GLYATL2: variants seen among roughly 807,000 people sequenced by gnomAD.
The protein encoded by GLYATL2 is glycine N-acyltransferase-like protein 2.
GLYATL2 carries 25 observed loss-of-function variants against 21.4 expected under a neutral mutation model. The ratio of observed to expected loss-of-function variants is 1.17; its 90% CI spans 0.85 to 1.63. The LOEUF (loss-of-function observed/expected upper bound fraction) is 1.63, where lower values mean the gene tolerates loss of function less well. GLYATL2 is among the 40% of genes most tolerant of loss of function. The pLI is 0.00. For missense variants in GLYATL2, 361 were observed against 343.3 expected (o/e 1.05, Z -0.41); for synonymous variants, 114 against 118.2 (o/e 0.96, Z 0.23).
At chr11:58,840,330 T>A (rs1853523432) in intron 1 of GLYATL2, among the ~76,000 whole-genome samples, 1 of 152,024 alleles carries the variant, frequency 6.6e-6, no homozygotes, top group Admixed American at 6.6e-5. Context: ...ATAGATATGT[T>A]TAAGGATGTA....
chr11:58,852,251 G>A (rs192051591), intron 1 of GLYATL2, among the ~76,000 whole-genome samples: 28 of 152,150 alleles, frequency 1.8e-4, no homozygotes, highest in East Asian at 7.7e-4. Flanking sequence ...TCTGCAGTAG[G>A]GGCTATTAGA....
chr11:58,867,158 C>T lies in GLYATL2; in HGVS notation n.61-28790G>A, dbSNP rs762468868. On this transcript the variant is annotated intron_variant and non_coding_transcript_variant, in intron 1 of 4. Coordinates refer to the GLYATL2 transcript ENST00000533636. Reference sequence around the variant, plus strand: ...GGATTCAAAGATGGCCAGCTCATTGCCACTCTTTGTAGTATGAAGTATGCC... The same window carrying T: ...GGATTCAAAGATGGCCAGCTCATTGTCACTCTTTGTAGTATGAAGTATGCC... Among the ~76,000 whole-genome samples the T allele has an allele frequency of 1.3e-5, 2 of 148,842 alleles. 1 individual carries two copies.
At chr11:58,843,619 A>T (rs926245451) in intron 1 of GLYATL2, among the ~76,000 whole-genome samples, 1 of 152,218 alleles carries the variant, frequency 6.6e-6, no homozygotes, top group Non-Finnish European at 1.5e-5. Flanking sequence ...GAGAGAGAAG[A>T]GAAAAAGTAA....
intron 1 of GLYATL2, among the ~76,000 whole-genome samples, chr11:58,861,636 G>A (rs150228535): frequency 8.7e-4 from 132 of 150,874 alleles, no homozygotes; most frequent in African/African-American, 2.6e-3. Context: ...TTATAGTTCC[G>A]TGAAGTGTAA....
intron 1 of GLYATL2, among the ~76,000 whole-genome samples, chr11:58,894,313 C>T (rs1854597422): frequency 6.6e-6 from 1 of 152,030 alleles, no homozygotes; most frequent in African/African-American, 2.4e-5. Flanking sequence ...GGACACGTGC[C>T]AAGCACTATC....
chr11:58,835,513 A>G (rs978741773), intron 5 of GLYATL2, among the ~76,000 whole-genome samples: 1 of 152,162 alleles, frequency 6.6e-6, no homozygotes, highest in Non-Finnish European at 1.5e-5. Context: ...ATCATCTGTA[A>G]ATATGGGGAT....
At chr11:58,835,798 AC>A (rs1176934630) in intron 5 of GLYATL2, among the ~76,000 whole-genome samples, 1 of 152,124 alleles carries the variant, frequency 6.6e-6, no homozygotes, top group African/African-American at 2.4e-5. Flanking sequence ...TAGAGGAATC[AC>A]CTTAGGGCAG....
intron 1 of GLYATL2, among the ~76,000 whole-genome samples, chr11:58,899,596 A>G (rs1288894828): frequency 6.6e-6 from 1 of 152,058 alleles, no homozygotes; most frequent in African/African-American, 2.4e-5. Flanking sequence ...GGCCTCCACA[A>G]AAGACTGGCA....
chr11:58,907,676 C>T (rs551288593), upstream of GLYATL2: 18 of 194,614 alleles, frequency 9.2e-5, no homozygotes, highest in Non-Finnish European at 1.5e-4. Context: ...TTAAATACTT[C>T]CTGATTTTTG....
At chr11:58,892,438 T>G (rs1854560697) in intron 1 of GLYATL2, 1 of 155,078 alleles carries the variant, frequency 6.4e-6, no homozygotes, top group Non-Finnish European at 1.4e-5. Context: ...TGAATTAGCA[T>G]TCAACTAATA....
At chr11:58,881,356 T>A (rs1161784719) in intron 1 of GLYATL2, among the ~76,000 whole-genome samples, 10 of 152,228 alleles carry the variant, frequency 6.6e-5, no homozygotes. Context: ...GATGATAACC[T>A]TCTCCAAGTT....
At chr11:58,866,646 T>C (rs1406897185) in intron 1 of GLYATL2, among the ~76,000 whole-genome samples, 1 of 149,188 alleles carries the variant, frequency 6.7e-6, no homozygotes, top group Non-Finnish European at 1.5e-5. Context: ...GAAGGACTAC[T>C]GGTGAAAAAA....
intron 1 of GLYATL2, among the ~76,000 whole-genome samples, chr11:58,863,731 G>A (rs1262384498): frequency 6.6e-6 from 1 of 152,106 alleles, no homozygotes; most frequent in Non-Finnish European, 1.5e-5. Context: ...AGGTCTTCAG[G>A]GCTGGCATGG....
At chr11:58,892,787 A>G (rs1010533954) in intron 1 of GLYATL2, 15 of 332,458 alleles carry the variant, frequency 4.5e-5, no homozygotes, top group Non-Finnish European at 7.2e-5. Context: ...CTGCAATAAA[A>G]GCAAGCTTGG....
At chr11:58,880,397 A>AAG (rs1854312136) in intron 1 of GLYATL2, among the ~76,000 whole-genome samples, 2 of 152,274 alleles carry the variant, frequency 1.3e-5, no homozygotes, top group South Asian at 4.1e-4. Flanking sequence ...TATTTGGACA[A>AAG]AGATGTGGCA....
intron 1 of GLYATL2, chr11:58,840,680 A>G (rs1296768292): frequency 6.6e-6 from 1 of 151,916 alleles, no homozygotes; most frequent in East Asian, 1.9e-4. Flanking sequence ...TCTTCTAAAA[A>G]TACAAAAAAC....
At chr11:58,846,491 A>C (rs11827691), upstream of GLYATL2, among the ~76,000 whole-genome samples, 8,177 of 151,264 alleles carry the variant, frequency 0.054, 626 homozygotes, top group African/African-American at 0.16. Flanking sequence ...CAGTAGCAGT[A>C]GTGTGGTGCA....
intron 1 of GLYATL2, among the ~76,000 whole-genome samples, chr11:58,850,520 G>GA (rs1853721172): frequency 6.6e-6 from 1 of 151,832 alleles, no homozygotes; most frequent in Admixed American, 6.6e-5. Flanking sequence ...CATAACCCAG[G>GA]AAAAACCAGG....
upstream of GLYATL2, chr11:58,905,537 G>A (rs1565114059): frequency 2.2e-6 from 1 of 456,286 alleles, no homozygotes; most frequent in Non-Finnish European, 4.4e-6. Context: ...CGGAAAAAGC[G>A]CGAAACCGCC....
Sources: allele counts gnomAD v4.1 joint callset (sites outside exome capture counted in the v4.1 genomes callset), GRCh38; gene constraint gnomAD v4.1.1; transcripts MANE v1.5; gene names NCBI Gene and HGNC (gene_info 2026-07-23, HGNC 2026-07-21).